METTL8: variants seen among roughly 807,000 people sequenced by gnomAD.
METTL8 encodes tRNA N(3)-cytidine methyltransferase METTL8, mitochondrial.
In METTL8, 32 loss-of-function variants were observed where a neutral mutation model predicts 48.7. The ratio of observed to expected loss-of-function variants is 0.66; its 90% CI spans 0.50 to 0.88. The LOEUF is 0.88. Among genes scored for constraint, METTL8 ranks in the 40% least tolerant of loss-of-function variants. The probability of loss-of-function intolerance (pLI) is 0.00; values close to 1 mark genes in which losing one functional copy is unlikely to be tolerated. For missense variants in METTL8, 464 were observed against 474.4 expected (o/e 0.98, Z 0.20); for synonymous variants, 136 against 157.1 (o/e 0.87, Z 1.01).
chr2:171,341,260 G>A (rs1042843572), intron 3 of METTL8, among the ~76,000 whole-genome samples: 14 of 151,422 alleles, frequency 9.2e-5, no homozygotes, highest in Admixed American at 2.0e-4. Flanking sequence ...CCTGGGAGGC[G>A]GAGGTTGCAG....
At position 171,339,479 on chromosome 2, in the gene METTL8, C is replaced by T. The variant is rs754629409; in HGVS notation, c.311G>A (p.Arg104His). 2.4e-5 allele frequency: 39 copies of T among 1,613,164 alleles called. 1 individual carries two copies. The highest frequency in any genetic ancestry group is 9.9e-5 in the South Asian group (9 of 90,992). Residue 104 changes from arginine to histidine, a missense_variant, in exon 4 of 10, where the codon CGT becomes CAT. Coordinates refer to ENST00000375258, the MANE Select transcript of METTL8 (RefSeq NM_001321154.2). ...AGGAAATTCCCTCAACAGCCAATTA[C>T]GATCCTTGAAAAACTTATTCTTATG... ...KIHKNKFFKD[R>H]NWLLREFPEI... is the part of the protein sequence containing the mutation.
At position 171,356,952 on chromosome 2, in the gene METTL8, A is replaced by ATGTTTTTTTTTTGTTTTT; in HGVS notation, c.235+3469_235+3470insAAAAACAAAAAAAAAACA. Among the ~76,000 whole-genome samples the ATGTTTTTTTTTTGTTTTT allele has an allele frequency of 9.3e-4, 73 of 78,484 alleles. 8 individuals are homozygous for ATGTTTTTTTTTTGTTTTT. Among genetic ancestry groups the ATGTTTTTTTTTTGTTTTT allele is most frequent in the Non-Finnish European group, 1.4e-3 (60 of 41,400 alleles). 51.5% of individuals were successfully genotyped at this position (78,484 alleles called of 152,430 possible). A position where few individuals can be genotyped will look rare whatever the true frequency, so the allele number is the denominator to read the frequency against. On this transcript the variant is annotated intron_variant, in intron 3 of 9. Transcript: ENST00000375258. ...CAAATTAGCCTTGTTCAAAGACAAT[A>ATGTTTTTTTTTTGTTTTT]TTTTTTTTTTTTTTTTTGAGACAGG...
chr2:171,356,737 A>T (rs1340782173), intron 3 of METTL8, among the ~76,000 whole-genome samples: 2 of 152,116 alleles, frequency 1.3e-5, no homozygotes, highest in Non-Finnish European at 2.9e-5. Flanking sequence ...ATAAGATTTC[A>T]TTCTTTTTTT....
rs1409989671 is a variant in METTL8 at position 171,414,047 on chromosome 2, CAA to C, written c.-13+19834_-13+19835del. 5.3e-5 allele frequency among the ~76,000 whole-genome samples: 8 copies of C among 152,188 alleles called. 1 individual carries two copies. The highest frequency in any genetic ancestry group is 1.9e-4 in the African/African-American group (8 of 41,532). Reference sequence around the variant, plus strand: ...ATTTGTATATTACACTGAAAAACTACAATACAAATATTAATTTTTAGAAGACT... The same window carrying C: ...ATTTGTATATTACACTGAAAAACTACTACAAATATTAATTTTTAGAAGACT... On this transcript the variant is annotated intron_variant, in intron 1 of 9. Coordinates refer to ENST00000375258, the MANE Select transcript of METTL8 (RefSeq NM_001321154.2).
At chr2:171,325,981 A>C in intron 8 of METTL8, 61 bp downstream of exon 8, 3 of 1,357,138 alleles carry the variant, frequency 2.2e-6, no homozygotes, top group Non-Finnish European at 3.1e-6. Context: ...TTTGATGTGA[A>C]ATATAAACAA....
chr2:171,339,238 T>TC lies in METTL8; in HGVS notation c.551dup (p.Pro185ThrfsTer10). 6.2e-7 allele frequency: 1 copy of TC among 1,604,552 alleles called. No individual in the cohort carries two copies. Among genetic ancestry groups the TC allele is most frequent in the Non-Finnish European group, 8.5e-7 (1 of 1,175,418 alleles). On this transcript the variant is annotated frameshift_variant, in exon 4 of 10. Transcript: ENST00000375258. LOFTEE classifies it high-confidence loss of function. Reference sequence around the variant, plus strand: ...CAGGAAACAATCCAGTCTCCATAGGTCCTTTTTTGTGTTTTTCAGAGTCTA... The same window carrying TC: ...CAGGAAACAATCCAGTCTCCATAGGTCCCTTTTTTGTGTTTTTCAGAGTCTA...
intron 2 of METTL8, among the ~76,000 whole-genome samples, chr2:171,366,819 G>A (rs981945616): frequency 7.3e-5 from 11 of 151,292 alleles, no homozygotes; most frequent in East Asian, 1.9e-4. Flanking sequence ...GCTTGAGTAC[G>A]GGAAGTTGAG....
At chr2:171,425,578 A>G (rs561189764) in intron 1 of METTL8, among the ~76,000 whole-genome samples, 26 of 152,320 alleles carry the variant, frequency 1.7e-4, no homozygotes, top group African/African-American at 6.3e-4. Flanking sequence ...AGCTGCTAGG[A>G]ATGGAATTGT....
chr2:171,340,652 A>G (rs537804527), intron 3 of METTL8, among the ~76,000 whole-genome samples: 1 of 152,346 alleles, frequency 6.6e-6, no homozygotes, highest in East Asian at 1.9e-4. Context: ...TGGTGATCAG[A>G]CAGGAAATTT....
At chr2:171,401,457 A>C (rs760120543) in intron 1 of METTL8, among the ~76,000 whole-genome samples, 1 of 152,172 alleles carries the variant, frequency 6.6e-6, no homozygotes, top group Non-Finnish European at 1.5e-5. Context: ...AAGTATTTGC[A>C]GAGCATTTTG....
chr2:171,412,373 T>A (rs976769700), intron 1 of METTL8, among the ~76,000 whole-genome samples: 2 of 152,176 alleles, frequency 1.3e-5, no homozygotes, highest in African/African-American at 4.8e-5. Context: ...AGGAAACTTA[T>A]CCACAACTTC....
At chr2:171,429,831 G>T (rs540850637) in intron 1 of METTL8, among the ~76,000 whole-genome samples, 2 of 152,260 alleles carry the variant, frequency 1.3e-5, no homozygotes, top group Non-Finnish European at 2.9e-5. Context: ...CCTGAGGTCA[G>T]GAGTTTGAGA....
chr2:171,401,109 C>CAGCTGGGA (rs1437384286), intron 1 of METTL8, among the ~76,000 whole-genome samples: 5 of 152,128 alleles, frequency 3.3e-5, no homozygotes, highest in Non-Finnish European at 7.4e-5. Flanking sequence ...CATTTCTTCT[C>CAGCTGGGA]AGCTGGGAAG....
chr2:171,334,303 T>C (rs1685859962), intron 5 of METTL8, among the ~76,000 whole-genome samples: 1 of 152,158 alleles, frequency 6.6e-6, no homozygotes, highest in Non-Finnish European at 1.5e-5. Context: ...ACCTCTAAGA[T>C]GGAATTCCCA....
intron 3 of METTL8, among the ~76,000 whole-genome samples, chr2:171,351,530 T>C (rs1324476130): frequency 1.3e-5 from 2 of 152,336 alleles, no homozygotes; most frequent in South Asian, 2.1e-4. Context: ...GGGGATGGCA[T>C]TGAATCTATA....
intron 1 of METTL8, among the ~76,000 whole-genome samples, chr2:171,424,573 G>A (rs1474756472): frequency 1.3e-5 from 2 of 148,272 alleles, no homozygotes; most frequent in East Asian, 4.1e-4. Flanking sequence ...AAGGTTTAAT[G>A]ACTGCTCTAT....
At chr2:171,433,489 G>A (rs1693378012) in intron 1 of METTL8, among the ~76,000 whole-genome samples, 1 of 152,166 alleles carries the variant, frequency 6.6e-6, no homozygotes, top group Admixed American at 6.5e-5. Context: ...AGAGCATGGC[G>A]GTGGGACACA....
At chr2:171,424,854 G>A (rs1352992139) in intron 1 of METTL8, among the ~76,000 whole-genome samples, 1 of 152,154 alleles carries the variant, frequency 6.6e-6, no homozygotes. Context: ...ATGAGCTCTG[G>A]GAGGGGCCAG....
intron 2 of METTL8, among the ~76,000 whole-genome samples, chr2:171,365,693 A>G (rs1332263335): frequency 5.3e-5 from 8 of 152,212 alleles, no homozygotes; most frequent in Admixed American, 1.3e-4. Flanking sequence ...CAACATAATT[A>G]TGACTTAAAA....
Sources: allele counts gnomAD v4.1 joint callset (sites outside exome capture counted in the v4.1 genomes callset), GRCh38; gene constraint gnomAD v4.1.1; transcripts MANE v1.5; gene names NCBI Gene and HGNC (gene_info 2026-07-23, HGNC 2026-07-21).